The following PTGR1 variants were observed in gnomAD, a reference collection of about 807,000 sequenced individuals.
PTGR1 encodes 15-oxoprostaglandin 13-reductase.
In PTGR1, 23 loss-of-function variants were observed where a neutral mutation model predicts 37.7. The ratio of observed to expected loss-of-function variants is 0.61; its 90% CI spans 0.44 to 0.86. PTGR1 has a LOEUF of 0.86. Ranked by LOEUF, PTGR1 falls within the 40% of genes least tolerant of loss-of-function variation. PTGR1 has a pLI of 0.00. For missense variants in PTGR1, 351 were observed against 394.3 expected (o/e 0.89, Z 0.93); for synonymous variants, 134 against 140.0 (o/e 0.96, Z 0.30).
chr9:111,551,562 C>G (rs1180533201), intron 9 of PTGR1, among the ~76,000 whole-genome samples: 3 of 151,926 alleles, frequency 2.0e-5, no homozygotes, highest in African/African-American at 7.3e-5. Flanking sequence ...TGCACACTGC[C>G]ACGCCTGGCT....
chr9:111,550,030 T>C (rs1477442910), intron 9 of PTGR1, among the ~76,000 whole-genome samples: 1 of 152,208 alleles, frequency 6.6e-6, no homozygotes, highest in Non-Finnish European at 1.5e-5. Context: ...TTATTCCTTT[T>C]TCCCCAGGGT....
chr9:111,598,935 C>A (rs1161111679), intron 1 of PTGR1, among the ~76,000 whole-genome samples: 1 of 152,206 alleles, frequency 6.6e-6, no homozygotes, highest in East Asian at 1.9e-4. Flanking sequence ...CTTTGGCCAA[C>A]AAGCCCCCAT....
rs182137935 is a variant in PTGR1 at position 111,568,871 on chromosome 9, G to A, written c.879+1220C>T. ...GCTAGAAGGCATGGTGCCTGGACCA[G>A]GGTGGTAGCAGGGAGGTGGGAGAAG... On this transcript the variant is annotated intron_variant, in intron 9 of 9. Coordinates refer to ENST00000407693, the MANE Select transcript of PTGR1 (RefSeq NM_001146108.2). Among the ~76,000 whole-genome samples, 422 of 152,308 alleles carry A rather than the reference G, an allele frequency of 2.8e-3. 2 individuals are homozygous for A. Among genetic ancestry groups the A allele is most frequent in the Non-Finnish European group, 4.5e-3 (305 of 68,024 alleles).
At chr9:111,569,273 C>G (rs993568682) in intron 9 of PTGR1, among the ~76,000 whole-genome samples, 1 of 152,090 alleles carries the variant, frequency 6.6e-6, no homozygotes, top group African/African-American at 2.4e-5. Flanking sequence ...TGACCATGAC[C>G]TGGGGCACTC....
chr9:111,580,092 T>A (rs987078592), intron 6 of PTGR1, among the ~76,000 whole-genome samples: 3 of 152,162 alleles, frequency 2.0e-5, no homozygotes, highest in Non-Finnish European at 4.4e-5. Context: ...TCTAAGACTA[T>A]AGACTATCAT....
chr9:111,561,108 T>G (rs189823032), downstream of PTGR1, among the ~76,000 whole-genome samples: 4,214 of 20,730 alleles, frequency 0.2, 561 homozygotes, highest in East Asian at 0.31. Context: ...TATATATATA[T>G]ATAGAGAGAG....
At chr9:111,586,926 T>C (rs1320040997) in intron 4 of PTGR1, among the ~76,000 whole-genome samples, 1 of 151,904 alleles carries the variant, frequency 6.6e-6, no homozygotes, top group Non-Finnish European at 1.5e-5. Context: ...GTTCAAGCAA[T>C]TCTCCTGCCT....
intron 4 of PTGR1, among the ~76,000 whole-genome samples, chr9:111,592,021 G>A (rs149012550): frequency 2.0e-5 from 3 of 152,256 alleles, no homozygotes; most frequent in African/African-American, 7.2e-5. Flanking sequence ...CATAGCTCTG[G>A]GAATGGAATG....
At chr9:111,580,246 G>T (rs1829239132) in intron 6 of PTGR1, among the ~76,000 whole-genome samples, 1 of 152,050 alleles carries the variant, frequency 6.6e-6, no homozygotes. Context: ...CTCACACTTG[G>T]ATGTCCTGTA....
downstream of PTGR1, among the ~76,000 whole-genome samples, chr9:111,561,106 TATATAGAGAGAGAGAGAGAGAGAGAGAG>T (rs1828289632): frequency 4.3e-5 from 1 of 23,176 alleles, no homozygotes; most frequent in African/African-American, 3.6e-4. Context: ...TATATATATA[TATATAGAGAGAGAGAGAGAGAGAGAGAG>T]AGAGGAGAGA....
At chr9:111,557,903 C>T (rs1335784009), downstream of PTGR1, among the ~76,000 whole-genome samples, 3 of 151,904 alleles carry the variant, frequency 2.0e-5, no homozygotes, top group African/African-American at 7.3e-5. Flanking sequence ...AATCCCAGCG[C>T]TTTGGGAGGC....
At chr9:111,579,431 CTG>C (rs1829204161) in intron 6 of PTGR1, among the ~76,000 whole-genome samples, 1 of 152,144 alleles carries the variant, frequency 6.6e-6, no homozygotes, top group Admixed American at 6.5e-5. Flanking sequence ...TGGTCTCACT[CTG>C]TTGCCCAGGC....
intron 9 of PTGR1, 43 bp from the exon 10 acceptor site, chr9:111,563,274 T>C: frequency 6.4e-7 from 1 of 1,561,392 alleles, no homozygotes; most frequent in African/African-American, 1.4e-5. Flanking sequence ...AATTTAATAT[T>C]CTCAATGATA....
chr9:111,555,170 C>T (rs983518957), intron 9 of PTGR1, among the ~76,000 whole-genome samples: 1 of 152,104 alleles, frequency 6.6e-6, no homozygotes, highest in Admixed American at 6.6e-5. Context: ...TTCCATCCTC[C>T]TCCAGGCCCA....
At position 111,570,117 on chromosome 9, in the gene PTGR1, T is replaced by C. The variant is rs140536268; in HGVS notation, c.853A>G (p.Lys285Glu). 59 of 1,613,990 alleles carry C rather than the reference T, an allele frequency of 3.7e-5. 1 individual carries two copies. The highest frequency in any genetic ancestry group is 4.8e-5 in the Non-Finnish European group (57 of 1,180,030). The change falls in exon 9 of 10, where the codon AAG becomes GAG. Residue 285 changes from lysine to glutamate, a missense_variant. Lys to Glu is a moderately conservative substitution (Grantham distance 56). Coordinates refer to ENST00000407693, the MANE Select transcript of PTGR1 (RefSeq NM_001146108.2). The part of the protein sequence containing the change: ...WQGDARQKAL[K>E]DLLKWVLEGK... ...TCTAAGACCCATTTCAGCAAGTCCT[T>C]CAGAGCTTTTTGGCGGGCATCTCCT...
chr9:111,584,802 C>T (rs781065128), intron 5 of PTGR1, among the ~76,000 whole-genome samples: 18 of 151,934 alleles, frequency 1.2e-4, no homozygotes, highest in Non-Finnish European at 2.2e-4. Context: ...TTGCAACAAC[C>T]GCAGGGAGAA....
At chr9:111,576,198 AAAG>A (rs1829047049) in intron 7 of PTGR1, among the ~76,000 whole-genome samples, 1 of 152,104 alleles carries the variant, frequency 6.6e-6, no homozygotes, top group Admixed American at 6.6e-5. Flanking sequence ...ACAAAAACAG[AAAG>A]AAGGTTAAAG....
chr9:111,577,527 A>G (rs1339983181), intron 7 of PTGR1: 1 of 152,212 alleles, frequency 6.6e-6, no homozygotes, highest in East Asian at 1.9e-4. Context: ...GTAACATTAT[A>G]CTTCATAGCC....
downstream of PTGR1, among the ~76,000 whole-genome samples, chr9:111,562,307 GC>G (rs1564608647): frequency 7.0e-6 from 1 of 142,672 alleles, no homozygotes; most frequent in East Asian, 2.0e-4. Context: ...ATAGAGTCTC[GC>G]TCTGTCACCC....
Sources: gnomAD v4.1 joint callset for allele counts (sites outside exome capture counted in the v4.1 genomes callset) on GRCh38, gnomAD v4.1.1 for gene constraint, MANE v1.5 for transcripts, NCBI Gene and HGNC (gene_info 2026-07-23, HGNC 2026-07-21) for gene names.